PPARG: variants seen among roughly 807,000 people sequenced by gnomAD.
PPARG encodes the protein peroxisome proliferator activated receptor gamma, also known as peroxisome proliferator-activated receptor gamma.
In PPARG, 17 loss-of-function variants were observed where a neutral mutation model predicts 39.2. The ratio of observed to expected loss-of-function variants is 0.43; its 90% CI spans 0.30 to 0.65. The LOEUF is 0.65. PPARG is among the 30% of genes least tolerant of loss of function. The probability of loss-of-function intolerance (pLI) is 0.13; values close to 1 mark genes in which losing one functional copy is unlikely to be tolerated. For missense variants in PPARG, 406 were observed against 585.9 expected (o/e 0.69, Z 3.17); for synonymous variants, 223 against 215.7 (o/e 1.03, Z -0.30).
intron 5 of PPARG, among the ~76,000 whole-genome samples, chr3:12,400,560 T>C (rs1247066916): frequency 6.6e-6 from 1 of 152,240 alleles, no homozygotes; most frequent in Admixed American, 6.5e-5. Context: ...ATGGATAATT[T>C]TTTTTACCAA....
At chr3:12,397,882 C>T (rs934659996) in intron 5 of PPARG, among the ~76,000 whole-genome samples, 4 of 152,100 alleles carry the variant, frequency 2.6e-5, no homozygotes, top group African/African-American at 9.7e-5. Context: ...TTGGAGCCCA[C>T]CTCCTCTCCC....
chr3:12,425,618 C>G (rs2051414062), intron 7 of PPARG, among the ~76,000 whole-genome samples: 1 of 152,158 alleles, frequency 6.6e-6, no homozygotes, highest in African/African-American at 2.4e-5. Flanking sequence ...CAGCACCACC[C>G]TTCTTCCTCT....
At chr3:12,359,625 T>C (rs1240741164) in intron 2 of PPARG, among the ~76,000 whole-genome samples, 1 of 151,724 alleles carries the variant, frequency 6.6e-6, no homozygotes, top group African/African-American at 2.4e-5. Flanking sequence ...AAGCCAAATA[T>C]ATCAGTTCTA....
chr3:12,370,970 AG>A (rs1283189104), intron 2 of PPARG, among the ~76,000 whole-genome samples: 2 of 152,166 alleles, frequency 1.3e-5, no homozygotes, highest in Non-Finnish European at 2.9e-5. Flanking sequence ...TTTAAACAAT[AG>A]GGCTTTGCTG....
At chr3:12,378,797 T>C (rs2049512473) in intron 2 of PPARG, among the ~76,000 whole-genome samples, 1 of 152,158 alleles carries the variant, frequency 6.6e-6, no homozygotes, top group Admixed American at 6.5e-5. Context: ...AGTGATACTG[T>C]ATGGTATATT....
chr3:12,401,049 G>A (rs2050452083), intron 5 of PPARG, among the ~76,000 whole-genome samples: 3 of 152,286 alleles, frequency 2.0e-5, no homozygotes, highest in South Asian at 4.1e-4. Flanking sequence ...ATCAGCAGTG[G>A]TAGAAGATTT....
intron 2 of PPARG, among the ~76,000 whole-genome samples, chr3:12,322,851 G>T (rs1230115383): frequency 6.6e-6 from 1 of 152,110 alleles, no homozygotes; most frequent in Non-Finnish European, 1.5e-5. Context: ...GCTCAGGCTG[G>T]AGTGCAGTGG....
chr3:12,429,445 C>T (rs1267429246), intron 7 of PPARG, among the ~76,000 whole-genome samples: 12 of 150,286 alleles, frequency 8.0e-5, no homozygotes, highest in Non-Finnish European at 1.3e-4. Flanking sequence ...AGGCTGGGAG[C>T]GGTGGCTCCC....
intron 2 of PPARG, among the ~76,000 whole-genome samples, chr3:12,370,568 A>G (rs994005079): frequency 1.2e-4 from 18 of 152,226 alleles, no homozygotes; most frequent in African/African-American, 4.1e-4. Flanking sequence ...GCAAACTTCA[A>G]CATAGGTTAG....
chr3:12,376,244 C>T (rs1002806158), intron 2 of PPARG, among the ~76,000 whole-genome samples: 35 of 152,116 alleles, frequency 2.3e-4, no homozygotes, highest in Non-Finnish European at 3.5e-4. Context: ...CCACCGCACC[C>T]GGCCTCAGGG....
chr3:12,396,032 T>C (rs535540199), intron 5 of PPARG, among the ~76,000 whole-genome samples: 2 of 152,244 alleles, frequency 1.3e-5, no homozygotes. Context: ...TGCATTTTTA[T>C]AGATTTTCAA....
At chr3:12,433,846 G>A in intron 7 of PPARG, 52 bp from the exon 8 acceptor site, 1 of 1,612,534 alleles carries the variant, frequency 6.2e-7, no homozygotes. Flanking sequence ...GCGGGGCCCA[G>A]AGGATTTTTT....
rs1336549325 is a variant in PPARG, at chr3:12,318,371, T to C, written c.-9+5918T>C. ...ACCTTTAAGTCTAAGTTGCTAGTTA[T>C]TAGGAAGAAATGATTGCTTTTGAAA... On this transcript the variant is annotated intron_variant, in intron 2 of 7. Coordinates refer to ENST00000651735, the MANE Select transcript of PPARG (RefSeq NM_138711.6). Among the ~76,000 whole-genome samples the C allele has an allele frequency of 2.0e-5, 3 of 152,190 alleles. No homozygotes were observed. The East Asian group carries it at 5.8e-4, about 29-fold the overall frequency.
chr3:12,405,539 C>T (rs1051234349), intron 5 of PPARG, among the ~76,000 whole-genome samples: 1 of 152,162 alleles, frequency 6.6e-6, no homozygotes, highest in Non-Finnish European at 1.5e-5. Context: ...AAGAAGGTGA[C>T]CTTTGAATTG....
intron 6 of PPARG, among the ~76,000 whole-genome samples, chr3:12,415,245 A>C (rs1559532455): frequency 6.6e-6 from 1 of 152,190 alleles, no homozygotes; most frequent in Non-Finnish European, 1.5e-5. Flanking sequence ...GCTTCTGAGA[A>C]ATGCAACTAG....
At chr3:12,380,028 C>G (rs1212909174) in intron 3 of PPARG, 97 bp downstream of exon 3, 7 of 1,072,452 alleles carry the variant, frequency 6.5e-6, no homozygotes, top group Non-Finnish European at 9.9e-6. Context: ...GACTAGAAAT[C>G]TAATAGAGAA....
At chr3:12,340,141 T>C (rs2048141663) in intron 2 of PPARG, among the ~76,000 whole-genome samples, 1 of 152,238 alleles carries the variant, frequency 6.6e-6, no homozygotes, top group African/African-American at 2.4e-5. Context: ...TCCTATGAGA[T>C]TACACAGAAT....
At chr3:12,326,623 T>TA (rs1373171776) in intron 2 of PPARG, among the ~76,000 whole-genome samples, 2 of 152,366 alleles carry the variant, frequency 1.3e-5, no homozygotes, top group East Asian at 3.9e-4. Flanking sequence ...AGTAGACTTT[T>TA]AAAGATGTCT....
chr3:12,433,036 A>G (rs542617501), intron 7 of PPARG, among the ~76,000 whole-genome samples: 2 of 152,236 alleles, frequency 1.3e-5, no homozygotes, highest in Non-Finnish European at 2.9e-5. Context: ...CTGAAAAGAA[A>G]CCTCTGTTAA....
Sources: gnomAD v4.1 joint callset for allele counts (sites outside exome capture counted in the v4.1 genomes callset) on GRCh38, gnomAD v4.1.1 for gene constraint, MANE v1.5 for transcripts, NCBI Gene and HGNC (gene_info 2026-07-23, HGNC 2026-07-21) for gene names.